The following BPHL variants were observed in gnomAD, a reference collection of about 807,000 sequenced individuals.
The protein encoded by BPHL is biphenyl hydrolase like, also known as serine hydrolase BPHL.
Under a neutral mutation model 31.2 loss-of-function variants are expected in BPHL, and 27 were observed. That is an observed-to-expected ratio of 0.87 (90% CI 0.64 to 1.19). The LOEUF (loss-of-function observed/expected upper bound fraction) is 1.19. Among genes scored for constraint, BPHL ranks in the 50% most tolerant of loss-of-function variants. BPHL has a pLI of 0.00. For synonymous variants in BPHL, 150 were observed against 146.8 expected (o/e 1.02, Z -0.16); for missense variants, 356 against 375.7 (o/e 0.95, Z 0.43).
intron 6 of BPHL, 139 bp from the exon 7 acceptor site, chr6:3,152,349 C>T: frequency 1.5e-6 from 1 of 672,042 alleles, no homozygotes; most frequent in East Asian, 2.8e-5. Context: ...TGATGGGTTA[C>T]ATTTTTCTCC....
At chr6:3,131,783 C>CCAGCAG (rs1761876443) in intron 4 of BPHL, among the ~76,000 whole-genome samples, 2 of 152,188 alleles carry the variant, frequency 1.3e-5, no homozygotes, top group Non-Finnish European at 2.9e-5. Flanking sequence ...GCAACTGCTG[C>CCAGCAG]TGTGCCAGCT....
chr6:3,145,342 C>T (rs1434204325), intron 6 of BPHL, among the ~76,000 whole-genome samples: 4 of 25,320 alleles, frequency 1.6e-4, no homozygotes, highest in Admixed American at 7.5e-4. Flanking sequence ...AGTGCTGGTT[C>T]GGGGTGGAGT....
At chr6:3,132,401 G>A (rs538311938) in intron 4 of BPHL, among the ~76,000 whole-genome samples, 14 of 152,162 alleles carry the variant, frequency 9.2e-5, no homozygotes, top group Non-Finnish European at 2.1e-4. Flanking sequence ...GGGCCACAGT[G>A]TTGGGGTCCT....
chr6:3,141,355 G>A (rs944056740), intron 6 of BPHL, among the ~76,000 whole-genome samples: 1 of 152,118 alleles, frequency 6.6e-6, no homozygotes, highest in African/African-American at 2.4e-5. Flanking sequence ...GGTGGACAAA[G>A]AGGTTTAATG....
chr6:3,136,706 AC>A (rs1762025172), intron 4 of BPHL, among the ~76,000 whole-genome samples: 1 of 152,224 alleles, frequency 6.6e-6, no homozygotes, highest in African/African-American at 2.4e-5. Context: ...TAGAATCTTT[AC>A]TTATCACAGT....
intron 6 of BPHL, among the ~76,000 whole-genome samples, chr6:3,144,372 C>CTTTTT (rs58022650): frequency 6.6e-4 from 43 of 64,792 alleles, no homozygotes; most frequent in Middle Eastern, 7.2e-3. Flanking sequence ...TGGCCTTCTT[C>CTTTTT]TTTTTTTTTT....
rs1362497616 is a variant in BPHL, at chr6:3,140,474, T to G, written c.753T>G (p.His251Gln). 2.4e-5 allele frequency: 38 copies of G among 1,614,150 alleles called. No individual in the cohort carries two copies. The highest frequency in any genetic ancestry group is 3.2e-5 in the Non-Finnish European group (38 of 1,180,026). ...AGGATCCTCTGGTCCCACGGTTTCA[T>G]GCCGACTTCATTCATAAGCACGTGA... The part of the protein sequence containing the change: ...GEKDPLVPRF[H>Q]ADFIHKHVKG... The change falls in exon 6 of 7, where the codon CAT becomes CAG. Residue 251 changes from histidine (H) to glutamine (Q), a missense_variant. Transcript: ENST00000380379. The surrounding 1 kb of genome is among the most constrained non-coding windows in gnomAD (Gnocchi z 5.2).
intron 2 of BPHL, among the ~76,000 whole-genome samples, chr6:3,124,298 C>T (rs1761657971): frequency 6.6e-6 from 1 of 152,198 alleles, no homozygotes; most frequent in South Asian, 2.1e-4. Context: ...ATAAAGCCTA[C>T]TGGATCTCAA....
chr6:3,128,584 T>C (rs1330690016), intron 3 of BPHL, among the ~76,000 whole-genome samples: 1 of 152,192 alleles, frequency 6.6e-6, no homozygotes. Context: ...ACAGCCTGGC[T>C]CTTGCCAGTT....
intron 4 of BPHL, among the ~76,000 whole-genome samples, chr6:3,134,747 C>T (rs565077604): frequency 3.3e-5 from 5 of 151,954 alleles, no homozygotes; most frequent in South Asian, 2.1e-4. Context: ...GGAATACAGG[C>T]GCCTGCCACC....
chr6:3,147,707 G>A (rs1218879505), intron 6 of BPHL, among the ~76,000 whole-genome samples: 5 of 152,314 alleles, frequency 3.3e-5, no homozygotes, highest in African/African-American at 1.2e-4. Flanking sequence ...ATGGAGTATG[G>A]AAGCTGACAA....
At chr6:3,132,497 A>T (rs553212704) in intron 4 of BPHL, among the ~76,000 whole-genome samples, 2 of 148,842 alleles carry the variant, frequency 1.3e-5, no homozygotes, top group Admixed American at 6.7e-5. Flanking sequence ...GCTCCACCTA[A>T]CTCCCAAACC....
intron 1 of BPHL, among the ~76,000 whole-genome samples, 169 bp from the exon 2 acceptor site, chr6:3,123,488 G>A (rs1237528143): frequency 6.6e-6 from 1 of 152,174 alleles, no homozygotes; most frequent in East Asian, 1.9e-4. Flanking sequence ...GGAACATTCA[G>A]TATCTTCCTT....
chr6:3,133,541 C>T (rs371234299), intron 4 of BPHL, among the ~76,000 whole-genome samples: 7 of 152,188 alleles, frequency 4.6e-5, no homozygotes, highest in Non-Finnish European at 8.8e-5. Context: ...TCCCCTCCCC[C>T]CACTTTCCCC....
chr6:3,146,558 G>T (rs1409687481), intron 6 of BPHL, among the ~76,000 whole-genome samples: 22 of 908 alleles, frequency 0.024, 4 homozygotes, highest in South Asian at 0.077. Flanking sequence ...GGTTTGGGTC[G>T]GGAGTGCTGG....
rs1761744068 is a variant in BPHL at position 3,127,308 on chromosome 6, C to T, written c.278C>T (p.Ala93Val). ...NLNKKLFTVV[A>V]WDPRGYGHSR... ...AATAAGAAGCTCTTCACGGTGGTCG[C>T]CTGGGATCCTCGAGGCTATGGACAT... Residue 93 changes from alanine (A) to valine (V), a missense_variant, in exon 3 of 7, where the codon GCC (alanine) becomes GTC (valine). Ala to Val is a moderately conservative substitution (Grantham distance 64). Transcript: ENST00000380379. The T allele has an allele frequency of 1.9e-6, 3 of 1,608,340 alleles. No individual in the cohort carries two copies. The highest frequency in any genetic ancestry group is 2.2e-5 in the South Asian group (2 of 90,470).
chr6:3,118,958 G>T, intron 1 of BPHL, 111 bp downstream of exon 1: 1 of 895,310 alleles, frequency 1.1e-6, no homozygotes, highest in South Asian at 4.8e-5. Context: ...ACGGGGCGTG[G>T]GCGCGGCCTG....
chr6:3,119,127 CA>C (rs1761485411), intron 1 of BPHL, among the ~76,000 whole-genome samples: 1 of 152,232 alleles, frequency 6.6e-6, no homozygotes, highest in Non-Finnish European at 1.5e-5. Flanking sequence ...CTTCAGTGTG[CA>C]GACCAGAGAG....
chr6:3,136,080 G>A (rs751251418), intron 4 of BPHL, among the ~76,000 whole-genome samples: 6 of 152,116 alleles, frequency 3.9e-5, no homozygotes, highest in African/African-American at 1.2e-4. Flanking sequence ...CTCACACCCC[G>A]GTTTCCATTA....
Sources: gnomAD v4.1 joint callset for allele counts (sites outside exome capture counted in the v4.1 genomes callset) on GRCh38, gnomAD v4.1.1 for gene constraint, Gnocchi (gnomAD v3.1) non-coding constraint, MANE v1.5 for transcripts, NCBI Gene and HGNC (gene_info 2026-07-23, HGNC 2026-07-21) for gene names.